SDK1: variants seen among roughly 807,000 people sequenced by gnomAD.
SDK1 encodes protein sidekick-1.
A neutral mutation model predicts 245.5 loss-of-function variants in SDK1; 157 were observed. That is an observed-to-expected ratio of 0.64 (90% CI 0.56 to 0.73). The LOEUF is 0.73. SDK1 is among the 30% of genes least tolerant of loss of function. SDK1 has a pLI of 0.00. For missense variants in SDK1, 3,583 were observed against 3,002.3 expected, an observed-to-expected ratio of 1.19 and a Z score of -4.52; for synonymous variants, 1,647 against 1,278.5, an observed-to-expected ratio of 1.29 and a Z score of -6.15.
intron 5 of SDK1, among the ~76,000 whole-genome samples, chr7:3,865,683 CTTT>C (rs546927109): frequency 7.1e-6 from 1 of 140,546 alleles, no homozygotes; most frequent in Non-Finnish European, 1.6e-5. Flanking sequence ...TTATTTTTTT[CTTT>C]TTTTTTTTTT....
intron 1 of SDK1, among the ~76,000 whole-genome samples, chr7:3,373,985 T>C (rs1271067938): frequency 6.6e-6 from 1 of 152,264 alleles, no homozygotes; most frequent in Non-Finnish European, 1.5e-5. Context: ...AGTCATACTT[T>C]GTTTTAACAT....
intron 1 of SDK1, among the ~76,000 whole-genome samples, chr7:3,445,876 C>A (rs943179306): frequency 6.6e-6 from 1 of 151,874 alleles, no homozygotes; most frequent in East Asian, 1.9e-4. Context: ...TCCTGATGTT[C>A]TAATATTCTC....
intron 32 of SDK1, among the ~76,000 whole-genome samples, chr7:4,172,988 G>A (rs942729912): frequency 1.3e-5 from 2 of 152,192 alleles, no homozygotes; most frequent in African/African-American, 4.8e-5. Context: ...AGGCAACAGG[G>A]CTTAGACTTG....
intron 1 of SDK1, among the ~76,000 whole-genome samples, chr7:3,575,488 T>A (rs1349350310): frequency 2.6e-5 from 4 of 152,014 alleles, no homozygotes; most frequent in Admixed American, 2.6e-4. Flanking sequence ...GATGTTTTTA[T>A]TTAAGCTAAA....
intron 5 of SDK1, among the ~76,000 whole-genome samples, chr7:3,942,239 G>A (rs1780396613): frequency 6.6e-6 from 1 of 152,172 alleles, no homozygotes; most frequent in Admixed American, 6.5e-5. Flanking sequence ...AGTGCTTATA[G>A]TCAGACTGTT....
chr7:4,211,754 C>T (rs1384590920), intron 38 of SDK1, among the ~76,000 whole-genome samples: 3 of 152,094 alleles, frequency 2.0e-5, no homozygotes, highest in East Asian at 3.9e-4. Context: ...GGACTACAGG[C>T]GCCCACCACC....
intron 1 of SDK1, among the ~76,000 whole-genome samples, chr7:3,558,090 G>A (rs536689654): frequency 6.6e-6 from 1 of 151,474 alleles, no homozygotes; most frequent in Non-Finnish European, 1.5e-5. Flanking sequence ...ATGCCACGTG[G>A]CATGCGTAAA....
At chr7:3,811,630 G>A (rs1779386104) in intron 4 of SDK1, among the ~76,000 whole-genome samples, 1 of 152,188 alleles carries the variant, frequency 6.6e-6, no homozygotes. Context: ...TGCTGCTGCT[G>A]TTGGCCATGG....
At chr7:4,174,142 C>G in intron 32 of SDK1, 80 bp from the exon 33 acceptor site, 2 of 1,492,818 alleles carry the variant, frequency 1.3e-6, no homozygotes, top group South Asian at 2.4e-5. Context: ...GCTAGTTAAA[C>G]AGGGGTGGAG....
At chr7:3,375,872 T>C (rs902440628) in intron 1 of SDK1, among the ~76,000 whole-genome samples, 4 of 152,150 alleles carry the variant, frequency 2.6e-5, no homozygotes, top group African/African-American at 9.7e-5. Context: ...CTCACAGAAA[T>C]GGTGTGAGAA....
At chr7:4,031,999 C>A (rs1356577547) in intron 17 of SDK1, among the ~76,000 whole-genome samples, 1 of 149,920 alleles carries the variant, frequency 6.7e-6, no homozygotes, top group Non-Finnish European at 1.5e-5. Context: ...TGCACTCCAG[C>A]CTGGGTGACA....
At chr7:3,872,900 T>G (rs374797999) in intron 5 of SDK1, among the ~76,000 whole-genome samples, 6 of 152,276 alleles carry the variant, frequency 3.9e-5, no homozygotes, top group East Asian at 3.9e-4. Flanking sequence ...CTACTATTAT[T>G]GTCATACATT....
chr7:3,306,432 G>A (rs1779419214), intron 1 of SDK1, among the ~76,000 whole-genome samples: 1 of 152,116 alleles, frequency 6.6e-6, no homozygotes, highest in Non-Finnish European at 1.5e-5. Context: ...CTATTTATTT[G>A]AGGAACATTT....
chr7:4,153,234 T>A (rs1780503435), intron 30 of SDK1, among the ~76,000 whole-genome samples: 1 of 141,768 alleles, frequency 7.1e-6, no homozygotes, highest in South Asian at 2.3e-4. Flanking sequence ...TTTGACTGAT[T>A]TCTTTTTTTT....
intron 4 of SDK1, among the ~76,000 whole-genome samples, chr7:3,673,532 C>A (rs1387251884): frequency 2.0e-5 from 3 of 152,178 alleles, no homozygotes; most frequent in Non-Finnish European, 4.4e-5. Context: ...ATACCATAGG[C>A]CCCGCCGGCC....
intron 1 of SDK1, among the ~76,000 whole-genome samples, chr7:3,356,823 C>T (rs995661858): frequency 6.6e-5 from 10 of 151,866 alleles, no homozygotes; most frequent in African/African-American, 1.9e-4. Flanking sequence ...TTTGGGAGGC[C>T]GAGGCCAGTG....
intron 4 of SDK1, among the ~76,000 whole-genome samples, chr7:3,793,341 G>C (rs1778865775): frequency 6.6e-6 from 1 of 152,068 alleles, no homozygotes; most frequent in Non-Finnish European, 1.5e-5. Context: ...AATCAGCTCT[G>C]CCTAAGTTGT....
At chr7:3,519,994 A>G (rs1469244866) in intron 1 of SDK1, among the ~76,000 whole-genome samples, 5 of 152,256 alleles carry the variant, frequency 3.3e-5, no homozygotes, top group Middle Eastern at 3.4e-3. Flanking sequence ...ATGTTTTTCT[A>G]TTTTACAGTG....
At position 4,113,340 on chromosome 7, in the gene SDK1, T is replaced by C. The variant is rs746128387; in HGVS notation, c.3486T>C (p.Ser1162=). 3.7e-6 allele frequency: 6 copies of C among 1,613,932 alleles called. No homozygotes were observed. The Admixed American group carries it at 6.7e-5, about 18-fold the overall frequency. The change falls in exon 24 of 45, where the codon TCT becomes TCC. Residue 1162 remains serine, a synonymous_variant. Transcript: ENST00000404826. Reference sequence around the variant, plus strand: ...TTGGGCCGAGCCCCTACAGTCCGTCTTCCCGGGTCATCCAGACCCTGCAGG... The same window carrying C: ...TTGGGCCGAGCCCCTACAGTCCGTCCTCCCGGGTCATCCAGACCCTGCAGG... ...NIVGPSPYSP[S]SRVIQTLQAP...
Sources: allele counts gnomAD v4.1 joint callset (sites outside exome capture counted in the v4.1 genomes callset), GRCh38; gene constraint gnomAD v4.1.1; transcripts MANE v1.5; gene names NCBI Gene and HGNC (gene_info 2026-07-23, HGNC 2026-07-21).